Variants in SPIDR observed in about 807,000 individuals in gnomAD.
SPIDR encodes scaffold protein involved in DNA repair.
Under a neutral mutation model 104.6 loss-of-function variants are expected in SPIDR, and 93 were observed. The ratio of observed to expected loss-of-function variants is 0.89; its 90% CI spans 0.75 to 1.06. SPIDR has a LOEUF of 1.06. Among genes scored for constraint, SPIDR ranks in the 50% least tolerant of loss-of-function variants. The pLI is 0.00. For missense variants in SPIDR, 1,154 were observed against 1,111.2 expected, an observed-to-expected ratio of 1.04 and a Z score of -0.55; for synonymous variants, 431 against 416.9, an observed-to-expected ratio of 1.03 and a Z score of -0.41.
At chr8:47,525,339 A>C (rs1484218332) in intron 8 of SPIDR, among the ~76,000 whole-genome samples, 1 of 152,224 alleles carries the variant, frequency 6.6e-6, no homozygotes, top group Non-Finnish European at 1.5e-5. Context: ...CCAGAATAGG[A>C]GCCTGGAAAA....
chr8:47,626,082 C>T (rs560084757), intron 10 of SPIDR, among the ~76,000 whole-genome samples: 17 of 152,084 alleles, frequency 1.1e-4, no homozygotes, highest in Middle Eastern at 3.4e-3. Flanking sequence ...GAAATAATGC[C>T]GCATATCTAC....
At chr8:47,675,485 T>TCTTA (rs1764659462) in intron 11 of SPIDR, among the ~76,000 whole-genome samples, 1 of 152,034 alleles carries the variant, frequency 6.6e-6, no homozygotes, top group African/African-American at 2.4e-5. Flanking sequence ...GTCACATGAG[T>TCTTA]CTTACCCTTA....
intron 8 of SPIDR, among the ~76,000 whole-genome samples, chr8:47,522,754 A>G (rs1003170825): frequency 6.6e-6 from 1 of 152,174 alleles, no homozygotes; most frequent in African/African-American, 2.4e-5. Context: ...TTAGTTTTTA[A>G]TGCTAAAAGC....
chr8:47,356,441 C>T (rs2154286262), intron 5 of SPIDR, among the ~76,000 whole-genome samples: 1 of 152,128 alleles, frequency 6.6e-6, no homozygotes, highest in South Asian at 2.1e-4. Flanking sequence ...AAATATGTCT[C>T]CTGATATAAT....
At chr8:47,649,140 C>T (rs1482228200) in intron 10 of SPIDR, among the ~76,000 whole-genome samples, 2 of 152,016 alleles carry the variant, frequency 1.3e-5, no homozygotes, top group East Asian at 1.9e-4. Context: ...CCACTCAGGA[C>T]GCTGAGGTGA....
intron 10 of SPIDR, among the ~76,000 whole-genome samples, chr8:47,637,052 G>A (rs1161276102): frequency 1.3e-5 from 2 of 152,080 alleles, no homozygotes; most frequent in Non-Finnish European, 2.9e-5. Flanking sequence ...TTCTACTTTT[G>A]GAAAGCACAT....
At chr8:47,485,697 A>C (rs879981146) in intron 8 of SPIDR, among the ~76,000 whole-genome samples, 9 of 152,126 alleles carry the variant, frequency 5.9e-5, no homozygotes, top group Non-Finnish European at 1.0e-4. Flanking sequence ...GCCGTTCTGC[A>C]ATATTGTCTG....
intron 9 of SPIDR, among the ~76,000 whole-genome samples, chr8:47,596,216 T>C (rs934485700): frequency 6.6e-6 from 1 of 152,246 alleles, no homozygotes; most frequent in Non-Finnish European, 1.5e-5. Context: ...GTATTTCATC[T>C]TTCTAATTAT....
At position 47,712,803 on chromosome 8, in the gene SPIDR, G is replaced by C. The variant is rs779597119; in HGVS notation, c.2119G>C (p.Glu707Gln). Residue 707 changes from glutamate (E) to glutamine (Q), a missense_variant, in exon 15 of 20, where the codon GAA (glutamate) becomes CAA (glutamine). By Grantham distance (29) the Glu-to-Gln change is conservative. Coordinates refer to ENST00000297423, the MANE Select transcript of SPIDR (RefSeq NM_001080394.4). Reference sequence around the variant, plus strand: ...GGCCCCCTTGTGTGTGCTGGGCTCTGAAGTCCTGGAGGCACTCGCTGGGGC... The same window carrying C: ...GGCCCCCTTGTGTGTGCTGGGCTCTCAAGTCCTGGAGGCACTCGCTGGGGC... ...YVAPLCVLGS[E>Q]VLEALAGAAP... The C allele has an allele frequency of 6.2e-7, 1 of 1,614,142 alleles. No individual in the cohort carries two copies. Among genetic ancestry groups the C allele is most frequent in the Admixed American group, 1.7e-5 (1 of 60,020 alleles).
At chr8:47,721,875 C>T (rs886899412) in intron 16 of SPIDR, among the ~76,000 whole-genome samples, 1 of 152,224 alleles carries the variant, frequency 6.6e-6, no homozygotes, top group Non-Finnish European at 1.5e-5. Flanking sequence ...CATTTTGCCT[C>T]TCCATATAAA....
chr8:47,454,282 G>A (rs1585979976), intron 8 of SPIDR, among the ~76,000 whole-genome samples: 1 of 152,134 alleles, frequency 6.6e-6, no homozygotes, highest in African/African-American at 2.4e-5. Context: ...ACACACCATG[G>A]AATACCATGC....
At chr8:47,299,046 G>T (rs1348019493) in intron 5 of SPIDR, among the ~76,000 whole-genome samples, 1 of 152,152 alleles carries the variant, frequency 6.6e-6, no homozygotes, top group Non-Finnish European at 1.5e-5. Context: ...ACCTTGGGCA[G>T]TGTGGCCATT....
At chr8:47,401,043 T>C (rs998413301) in intron 6 of SPIDR, among the ~76,000 whole-genome samples, 17 of 151,960 alleles carry the variant, frequency 1.1e-4, no homozygotes, top group African/African-American at 4.1e-4. Flanking sequence ...GTCACATTCA[T>C]CAAGGTTGAA....
At chr8:47,609,365 T>C (rs1490287438) in intron 10 of SPIDR, among the ~76,000 whole-genome samples, 1 of 152,240 alleles carries the variant, frequency 6.6e-6, no homozygotes, top group African/African-American at 2.4e-5. Context: ...CTAAGAATTT[T>C]ATAGCTTTTG....
chr8:47,735,167 A>G, intron 19 of SPIDR, 140 bp from the exon 20 acceptor site: 1 of 730,080 alleles, frequency 1.4e-6, no homozygotes, highest in South Asian at 1.7e-5. Flanking sequence ...CCTTCCTACC[A>G]CTGTTCTCAG....
At chr8:47,726,060 C>G (rs1447893997) in intron 16 of SPIDR, among the ~76,000 whole-genome samples, 2 of 152,270 alleles carry the variant, frequency 1.3e-5, no homozygotes, top group Non-Finnish European at 2.9e-5. Flanking sequence ...CCTTTCTCCA[C>G]TTGCACCTCC....
At chr8:47,269,553 G>C (rs2034837666) in intron 1 of SPIDR, among the ~76,000 whole-genome samples, 1 of 149,150 alleles carries the variant, frequency 6.7e-6, no homozygotes, top group African/African-American at 2.5e-5. Flanking sequence ...ACTACACCTG[G>C]CCAACCATGT....
chr8:47,468,401 T>C (rs2075217822), intron 8 of SPIDR, among the ~76,000 whole-genome samples: 1 of 152,154 alleles, frequency 6.6e-6, no homozygotes, highest in Admixed American at 6.5e-5. Flanking sequence ...GCCAAGGCAG[T>C]CCTGAGCAAA....
chr8:47,734,103 G>C (rs927221540), intron 19 of SPIDR, among the ~76,000 whole-genome samples: 2 of 151,654 alleles, frequency 1.3e-5, no homozygotes, highest in African/African-American at 4.8e-5. Flanking sequence ...CAGAACTCTT[G>C]TTTGGACAGG....
Sources: allele counts gnomAD v4.1 joint callset (sites outside exome capture counted in the v4.1 genomes callset), GRCh38; gene constraint gnomAD v4.1.1; transcripts MANE v1.5; gene names NCBI Gene and HGNC (gene_info 2026-07-23, HGNC 2026-07-21).